TMEM132D: variants seen among roughly 807,000 people sequenced by gnomAD.
TMEM132D encodes transmembrane protein 132D.
A neutral mutation model predicts 62.3 loss-of-function variants in TMEM132D; 21 were observed. The ratio of observed to expected loss-of-function variants is 0.34; its 90% CI spans 0.24 to 0.49. The LOEUF (loss-of-function observed/expected upper bound fraction) is 0.49, where lower values mean the gene tolerates loss of function less well. Among genes scored for constraint, TMEM132D ranks in the 20% least tolerant of loss-of-function variants. The pLI, the probability that TMEM132D is intolerant of heterozygous loss-of-function variation, is 0.99. For missense variants in TMEM132D, 1,346 were observed against 1,402.8 expected, an observed-to-expected ratio of 0.96 and a Z score of 0.65; for synonymous variants, 621 against 575.6, an observed-to-expected ratio of 1.08 and a Z score of -1.13.
At chr12:129,171,476 G>A (rs146500231) in intron 5 of TMEM132D, among the ~76,000 whole-genome samples, 85 of 152,322 alleles carry the variant, frequency 5.6e-4, no homozygotes, top group Non-Finnish European at 9.6e-4. Flanking sequence ...GCTTAATGGC[G>A]AATAGGGAAT....
intron 1 of TMEM132D, among the ~76,000 whole-genome samples, chr12:129,807,485 T>C (rs1872031268): frequency 6.6e-6 from 1 of 152,208 alleles, no homozygotes; most frequent in Non-Finnish European, 1.5e-5. Flanking sequence ...ACTCCTTTAC[T>C]AAAATAGAAA....
Position 129,302,225 on chromosome 12 carries a change from C to T in TMEM132D, c.1299+35409G>A, listed in dbSNP as rs534294675. Among the ~76,000 whole-genome samples, 18 of 152,358 alleles carry T rather than the reference C, an allele frequency of 1.2e-4. No individual in the cohort carries two copies. In the South Asian group the frequency reaches 1.4e-3, roughly 12 times the overall value. On this transcript the variant is annotated intron_variant, in intron 4 of 8. Transcript: ENST00000422113. ...TGCCTCCCAGGTTCAAGCGATTCTC[C>T]TGCCTCAGCCTCCTGAGTAGCTGGG...
At chr12:129,818,850 C>A (rs1344101975) in intron 1 of TMEM132D, among the ~76,000 whole-genome samples, 1 of 151,904 alleles carries the variant, frequency 6.6e-6, no homozygotes, top group Non-Finnish European at 1.5e-5. Flanking sequence ...GCCTGGGCAA[C>A]ATAGCGAGAC....
chr12:129,233,693 C>A (rs1391476553), intron 4 of TMEM132D, among the ~76,000 whole-genome samples: 22 of 152,028 alleles, frequency 1.4e-4, no homozygotes, highest in Admixed American at 1.4e-3. Flanking sequence ...ATGGTGTGAT[C>A]TCAGCTCACT....
At chr12:129,683,038 T>C (rs1198904471) in intron 2 of TMEM132D, 1 of 152,028 alleles carries the variant, frequency 6.6e-6, no homozygotes, top group Admixed American at 6.5e-5. Context: ...GCGTGCTTTA[T>C]TCACTGGTAA....
chr12:129,297,291 TC>T (rs1379005514), intron 4 of TMEM132D, among the ~76,000 whole-genome samples: 1 of 152,176 alleles, frequency 6.6e-6, no homozygotes, highest in Non-Finnish European at 1.5e-5. Context: ...AGTTCTCTCA[TC>T]CTGACCCCCA....
intron 1 of TMEM132D, among the ~76,000 whole-genome samples, chr12:129,756,552 G>A (rs1332871599): frequency 6.6e-6 from 1 of 152,100 alleles, no homozygotes; most frequent in South Asian, 2.1e-4. Flanking sequence ...ATGTTTAAGG[G>A]GTGCAGAGCT....
intron 3 of TMEM132D, among the ~76,000 whole-genome samples, chr12:129,437,372 T>C (rs1208674870): frequency 2.0e-5 from 3 of 152,212 alleles, no homozygotes; most frequent in Non-Finnish European, 4.4e-5. Flanking sequence ...ACACTTTGTC[T>C]GCTTAGAGCC....
At chr12:129,578,010 G>A (rs957945463) in intron 2 of TMEM132D, among the ~76,000 whole-genome samples, 10 of 152,270 alleles carry the variant, frequency 6.6e-5, no homozygotes, top group South Asian at 2.1e-4. Flanking sequence ...GAGGGCCAAC[G>A]CAGAAGAAAA....
chr12:129,152,737 A>G (rs1877110380), intron 5 of TMEM132D, among the ~76,000 whole-genome samples: 1 of 152,096 alleles, frequency 6.6e-6, no homozygotes, highest in African/African-American at 2.4e-5. Flanking sequence ...GATGCCTGAC[A>G]TTGTTGGTCA....
chr12:129,859,366 A>G (rs527340654), intron 1 of TMEM132D, among the ~76,000 whole-genome samples: 5 of 152,364 alleles, frequency 3.3e-5, no homozygotes, highest in African/African-American at 1.2e-4. Context: ...CTTTTGCACC[A>G]ACATACTCGG....
intron 4 of TMEM132D, among the ~76,000 whole-genome samples, chr12:129,330,409 A>G (rs908086976): frequency 1.3e-5 from 2 of 152,174 alleles, no homozygotes; most frequent in Non-Finnish European, 2.9e-5. Context: ...AATCATGTTG[A>G]CACTTAATCC....
chr12:129,149,887 T>A (rs1877021906), intron 5 of TMEM132D, among the ~76,000 whole-genome samples: 1 of 152,246 alleles, frequency 6.6e-6, no homozygotes, highest in Admixed American at 6.5e-5. Flanking sequence ...CTCCTGTAGC[T>A]AACTACCGGC....
intron 3 of TMEM132D, among the ~76,000 whole-genome samples, chr12:129,445,133 T>A (rs917573492): frequency 6.6e-6 from 1 of 152,122 alleles, no homozygotes; most frequent in African/African-American, 2.4e-5. Flanking sequence ...ATAAACACCA[T>A]GAAAGAACAA....
intron 3 of TMEM132D, among the ~76,000 whole-genome samples, chr12:129,400,734 GA>G (rs1871597515): frequency 6.6e-6 from 1 of 152,072 alleles, no homozygotes; most frequent in African/African-American, 2.4e-5. Context: ...CTTTCTTAAA[GA>G]AAAATTCTTG....
chr12:129,202,802 G>T (rs1878742763), intron 5 of TMEM132D, among the ~76,000 whole-genome samples: 1 of 152,044 alleles, frequency 6.6e-6, no homozygotes. Flanking sequence ...CATCCTTCAG[G>T]TATTACACCT....
rs562060149 is a variant in TMEM132D at position 129,894,869 on chromosome 12, G to A, written c.79+8392C>T. On this transcript the variant is annotated intron_variant, in intron 1 of 8. Coordinates refer to ENST00000422113, the MANE Select transcript of TMEM132D (RefSeq NM_133448.3). ...CCTCTCTCGTACCTCCCAAGTCAGCGTGTGTGATCTACGTTCAGCATGTTG... is the reference window on the plus strand; with the variant it reads ...CCTCTCTCGTACCTCCCAAGTCAGCATGTGTGATCTACGTTCAGCATGTTG... Among the ~76,000 whole-genome samples the A allele has an allele frequency of 1.2e-4, 18 of 152,192 alleles. No homozygotes were observed. The South Asian group carries it at 1.7e-3, about 14-fold the overall frequency.
chr12:129,301,677 C>T (rs1458001938), intron 4 of TMEM132D, among the ~76,000 whole-genome samples: 1 of 152,172 alleles, frequency 6.6e-6, no homozygotes, highest in African/African-American at 2.4e-5. Flanking sequence ...TTGTCTTGGG[C>T]ACTGTTCTAG....
chr12:129,876,735 C>T (rs2137381964), intron 1 of TMEM132D, among the ~76,000 whole-genome samples: 1 of 152,312 alleles, frequency 6.6e-6, no homozygotes, highest in South Asian at 2.1e-4. Flanking sequence ...TGGCCTCATC[C>T]TTACTGCTGT....
Sources: gnomAD v4.1 joint callset for allele counts (sites outside exome capture counted in the v4.1 genomes callset) on GRCh38, gnomAD v4.1.1 for gene constraint, MANE v1.5 for transcripts, NCBI Gene and HGNC (gene_info 2026-07-23, HGNC 2026-07-21) for gene names.